ZNF512: variants seen among roughly 807,000 people sequenced by gnomAD.
ZNF512 encodes zinc finger protein 512.
Under a neutral mutation model 77.5 loss-of-function variants are expected in ZNF512, and 25 were observed. The ratio of observed to expected loss-of-function variants is 0.32; its 90% confidence interval spans 0.23 to 0.45. The LOEUF is 0.45. Among genes scored for constraint, ZNF512 ranks in the 20% least tolerant of loss-of-function variants. The pLI is 1.00. For missense variants in ZNF512, 483 were observed against 692.6 expected, an observed-to-expected ratio of 0.70 and a Z score of 3.40; for synonymous variants, 246 against 239.9, an observed-to-expected ratio of 1.03 and a Z score of -0.24.
chr2:27,584,635 G>T (rs1671250224), intron 2 of ZNF512, among the ~76,000 whole-genome samples: 1 of 152,210 alleles, frequency 6.6e-6, no homozygotes, highest in African/African-American at 2.4e-5. Flanking sequence ...TGATAGTTTG[G>T]AAGGGAAGGA....
chr2:27,595,410 C>T (rs985961856), intron 2 of ZNF512, among the ~76,000 whole-genome samples: 16 of 151,780 alleles, frequency 1.1e-4, no homozygotes, highest in Admixed American at 5.2e-4. Flanking sequence ...TTGCAGCCTC[C>T]GCCTCCCAGG....
chr2:27,593,155 G>A (rs1671671157), intron 2 of ZNF512, among the ~76,000 whole-genome samples: 1 of 150,464 alleles, frequency 6.6e-6, no homozygotes, highest in African/African-American at 2.4e-5. Flanking sequence ...GAGCCCAGGA[G>A]TTTGATACCA....
At chr2:27,583,570 C>A in intron 1 of ZNF512, 88 bp from the exon 2 acceptor site, 1 of 1,557,486 alleles carries the variant, frequency 6.4e-7, no homozygotes, top group Non-Finnish European at 8.7e-7. Context: ...GGGAGAACTT[C>A]ATTTCTTCTG....
chr2:27,600,130 T>G lies in ZNF512; in HGVS notation c.457+77T>G, dbSNP rs1672052293. On this transcript the variant is annotated intron_variant, in intron 5 of 13. Coordinates refer to ENST00000355467, the MANE Select transcript of ZNF512 (RefSeq NM_032434.4). ...GTTGTTGGTGTTGTCTGTGAAGGAA[T>G]GAGGTACTAAAGCATTTCTTTAAGG... The G allele has an allele frequency of 2.0e-6, 3 of 1,488,372 alleles. No homozygotes were observed. In the East Asian group the frequency reaches 7.1e-5, roughly 35 times the overall value. The allele number at this position is 1,488,372 out of a possible 1,614,324, so 92.2% of individuals were successfully genotyped here. A position where few individuals can be genotyped will look rare whatever the true frequency, so the allele number is the denominator to read the frequency against.
chr2:27,602,405 TCCCTGTGTC>T, intron 7 of ZNF512, 49 bp from the exon 8 acceptor site: 1 of 1,527,880 alleles, frequency 6.5e-7, no homozygotes, highest in South Asian at 1.2e-5. Flanking sequence ...ATATTTTTTT[TCCCTGTGTC>T]TTATCTTTTC....
chr2:27,588,184 G>A (rs759053588), intron 2 of ZNF512, among the ~76,000 whole-genome samples: 23 of 151,900 alleles, frequency 1.5e-4, no homozygotes, highest in Non-Finnish European at 2.2e-4. Flanking sequence ...AAGAGCAAAA[G>A]GTTTAAATTT....
intron 8 of ZNF512, 131 bp downstream of exon 8, chr2:27,602,692 A>C (rs1300900687): frequency 1.4e-6 from 1 of 698,568 alleles, no homozygotes; most frequent in Non-Finnish European, 2.2e-6. Flanking sequence ...TTGAATCATT[A>C]ATAGTTGTTT....
chr2:27,600,658 A>G, intron 5 of ZNF512, 33 bp from the exon 6 acceptor site: 1 of 1,601,708 alleles, frequency 6.2e-7, no homozygotes, highest in Non-Finnish European at 8.5e-7. Context: ...AGAATACTGC[A>G]GATTACAAAG....
At chr2:27,610,544 G>GTATATA (rs1247718248) in intron 10 of ZNF512, among the ~76,000 whole-genome samples, 1,812 of 32,640 alleles carry the variant, frequency 0.056, 148 homozygotes, top group Admixed American at 0.16. Context: ...ATATGTGTGT[G>GTATATA]TATATATATA....
intron 10 of ZNF512, 52 bp from the exon 11 acceptor site, chr2:27,615,115 AT>A: frequency 3.7e-6 from 4 of 1,087,274 alleles, no homozygotes; most frequent in South Asian, 1.4e-5. Context: ...CTTTTGGGAT[AT>A]TTTGGTTGGG....
chr2:27,617,604 G>A (rs1672939385), intron 13 of ZNF512, 33 bp downstream of exon 13: 1 of 824,916 alleles, frequency 1.2e-6, no homozygotes, highest in Non-Finnish European at 2.2e-6. Context: ...GGCCTGATAT[G>A]TAAGCCACAA....
At chr2:27,601,213 A>G (rs779712835) in intron 6 of ZNF512, 143 bp from the exon 7 acceptor site, 35 of 620,980 alleles carry the variant, frequency 5.6e-5, no homozygotes, top group Non-Finnish European at 3.2e-5. Context: ...AAGACATGAC[A>G]CTGAGTTTCT....
rs1203793272 is a variant in ZNF512 at position 27,607,961 on chromosome 2, G to A, written c.1053G>A (p.Gln351=). The stretch of plus-strand genomic sequence containing the variant: ...CCAAGATAGCTGTATACCACCTACA[G>A]GAGCTGGCCTCTGCTGAACTGGCCA... ...RSAKIAVYHL[Q]ELASAELAKE... is the part of the protein sequence containing the mutation. The change falls in exon 10 of 14, where the codon CAG becomes CAA. Residue 351 remains glutamine, a synonymous_variant. Transcript: ENST00000355467. 8.1e-6 allele frequency: 13 copies of A among 1,613,682 alleles called. No individual in the cohort carries two copies. Among genetic ancestry groups the A allele is most frequent in the Non-Finnish European group, 1.1e-5 (13 of 1,179,848 alleles).
In ZNF512 at chr2:27,594,753, T is replaced by C. The variant is rs10167427; in HGVS notation, c.90-3314T>C. On this transcript the variant is annotated intron_variant, in intron 2 of 13. Transcript: ENST00000355467. The stretch of plus-strand genomic sequence containing the variant: ...TGGCGGCCGGGCAGAGGCTGTAGTC[T>C]TAGCACTTTGGGAGGCCAAGGCAGG... Among the ~76,000 whole-genome samples the C allele has an allele frequency of 8.8e-3, 1,335 of 152,230 alleles. 18 individuals are homozygous for C. Among genetic ancestry groups the C allele is most frequent in the African/African-American group, 0.03 (1,226 of 41,538 alleles).
At position 27,621,515 on chromosome 2, in the gene ZNF512, G is replaced by A; in HGVS notation, c.*54G>A. ...AGCAGATGTGATGCTGTTGTCACGG[G>A]GACCTGTGCTGGGAGGACTGAGTGA... is the stretch of plus-strand genomic sequence containing the variant. On this transcript the variant is annotated 3_prime_UTR_variant, in exon 14 of 14. Coordinates refer to ENST00000355467, the MANE Select transcript of ZNF512 (RefSeq NM_032434.4). 6.5e-7 allele frequency: 1 copy of A among 1,527,638 alleles called. No homozygotes were observed. The highest frequency in any genetic ancestry group is 1.3e-5 in the South Asian group (1 of 79,832). The allele number at this position is 1,527,638 out of a possible 1,614,324, so 94.6% of individuals were successfully genotyped here. A position where few individuals can be genotyped will look rare whatever the true frequency, so the allele number is the denominator to read the frequency against.
chr2:27,610,584 T>A (rs868704550), intron 10 of ZNF512, among the ~76,000 whole-genome samples: 4,446 of 55,962 alleles, frequency 0.079, 547 homozygotes, highest in African/African-American at 0.18. Flanking sequence ...TTTTTTTTTT[T>A]TTTTTTTTTT....
In ZNF512 at chr2:27,622,512, T is replaced by A. The variant is rs1673162820; in HGVS notation, c.*1051T>A. On this transcript the variant is annotated 3_prime_UTR_variant, in exon 14 of 14. Transcript: ENST00000355467. ...TATATGGAGTTCTCTCCTCTTTATA[T>A]CCTGAGACTTTGACACCAGATGTAG... 6.5e-6 allele frequency: 1 copy of A among 152,820 alleles called. No individual in the cohort carries two copies. The highest frequency in any genetic ancestry group is 1.5e-5 in the Non-Finnish European group (1 of 68,046). The allele number at this position is 152,820 out of a possible 1,614,324, so 9.5% of individuals were successfully genotyped here.
chr2:27,602,137 AT>A (rs1027576831), intron 7 of ZNF512, among the ~76,000 whole-genome samples: 2 of 152,172 alleles, frequency 1.3e-5, no homozygotes, highest in Non-Finnish European at 2.9e-5. Context: ...TGGCTTTGGG[AT>A]TTTATAAGGG....
intron 9 of ZNF512, among the ~76,000 whole-genome samples, chr2:27,604,774 G>T (rs1385459166): frequency 6.6e-6 from 1 of 152,114 alleles, no homozygotes; most frequent in African/African-American, 2.4e-5. Context: ...GTGAGACTCT[G>T]TCTCAAAACA....
Sources: allele counts gnomAD v4.1 joint callset (sites outside exome capture counted in the v4.1 genomes callset), GRCh38; gene constraint gnomAD v4.1.1; transcripts MANE v1.5; gene names NCBI Gene and HGNC (gene_info 2026-07-23, HGNC 2026-07-21).